The following MKLN1 variants were observed in gnomAD, a reference collection of about 807,000 sequenced individuals.
MKLN1 encodes muskelin 1, also known as muskelin.
MKLN1 carries 18 observed loss-of-function variants against 99.0 expected under a neutral mutation model. The observed-to-expected ratio is 0.18, with a 90% CI of 0.13 to 0.27. MKLN1 has a LOEUF of 0.27. MKLN1 is among the 10% of genes least tolerant of loss of function. The pLI, the probability that MKLN1 is intolerant of heterozygous loss-of-function variation, is 1.00. For missense variants in MKLN1, 621 were observed against 875.9 expected (o/e 0.71, Z 3.67); for synonymous variants, 288 against 293.2 (o/e 0.98, Z 0.18).
At chr7:131,307,528 C>T (rs1382385990) in intron 3 of MKLN1, among the ~76,000 whole-genome samples, 6 of 152,246 alleles carry the variant, frequency 3.9e-5, no homozygotes, top group East Asian at 3.9e-4. Flanking sequence ...GTCACAGGAG[C>T]GGAGTTACCT....
intron 1 of MKLN1, among the ~76,000 whole-genome samples, chr7:131,356,895 G>A (rs959220472): frequency 1.3e-5 from 2 of 152,098 alleles, no homozygotes; most frequent in African/African-American, 4.8e-5. Flanking sequence ...GGCAGAAGGA[G>A]GGAGAGACTG....
intron 3 of MKLN1, among the ~76,000 whole-genome samples, chr7:131,266,835 T>C (rs1277706883): frequency 6.6e-6 from 1 of 151,892 alleles, no homozygotes; most frequent in East Asian, 1.9e-4. Flanking sequence ...TTATGGAAAC[T>C]TAGCATTTTA....
intron 2 of MKLN1, among the ~76,000 whole-genome samples, chr7:131,382,322 G>GC (rs1338768214): frequency 6.6e-6 from 1 of 151,828 alleles, no homozygotes; most frequent in Non-Finnish European, 1.5e-5. Flanking sequence ...CCAGGATCTT[G>GC]CCACTGCACT....
chr7:131,366,974 A>G (rs757922871), intron 1 of MKLN1, among the ~76,000 whole-genome samples: 1 of 152,226 alleles, frequency 6.6e-6, no homozygotes, highest in Non-Finnish European at 1.5e-5. Context: ...TGTTACTGAC[A>G]TTTAATTGGT....
At chr7:131,192,140 T>C (rs938662125) in intron 2 of MKLN1, among the ~76,000 whole-genome samples, 1 of 73,314 alleles carries the variant, frequency 1.4e-5, no homozygotes, top group Non-Finnish European at 2.4e-5. Context: ...TAAAAATATA[T>C]ATACGTATAT....
chr7:131,194,303 C>G (rs1796611350), intron 2 of MKLN1, among the ~76,000 whole-genome samples: 2 of 152,154 alleles, frequency 1.3e-5, no homozygotes, highest in Non-Finnish European at 2.9e-5. Context: ...CCCGGCAGCC[C>G]CTGGCAACCA....
intron 12 of MKLN1, among the ~76,000 whole-genome samples, chr7:131,446,728 A>G (rs2116525318): frequency 6.6e-6 from 1 of 152,228 alleles, no homozygotes; most frequent in Non-Finnish European, 1.5e-5. Context: ...AAATTAAAAT[A>G]TTTGTTCACA....
intron 3 of MKLN1, among the ~76,000 whole-genome samples, chr7:131,204,959 G>T (rs139749508): frequency 0.076 from 10,903 of 144,348 alleles, 429 homozygotes; most frequent in African/African-American, 0.097. Context: ...TTAGCTGGGT[G>T]TGGTGGTGGG....
chr7:131,234,452 G>C (rs1797287255), intron 3 of MKLN1, among the ~76,000 whole-genome samples: 1 of 152,148 alleles, frequency 6.6e-6, no homozygotes, highest in Non-Finnish European at 1.5e-5. Context: ...GGGTTCTTCA[G>C]CTGCACTAAT....
rs61413385 is a variant in MKLN1, at chr7:131,260,048, ATTT to A, written c.-179+57085_-179+57087del. Among the ~76,000 whole-genome samples the A allele has an allele frequency of 7.0e-3, 1,047 of 150,158 alleles. 7 individuals are homozygous for A. The highest frequency in any genetic ancestry group is 9.7e-3 in the Non-Finnish European group (653 of 67,462). On this transcript the variant is annotated intron_variant, in intron 3 of 7. Transcript: ENST00000416992. ...AAAACAATGTACAGAAATCAGCAGC[ATTT>A]TTTTTTTTTTAAGAGACGGGGTCTT...
At chr7:131,256,727 C>G (rs574641666) in intron 3 of MKLN1, among the ~76,000 whole-genome samples, 2 of 152,208 alleles carry the variant, frequency 1.3e-5, no homozygotes, top group South Asian at 4.1e-4. Context: ...AAATGCTGCA[C>G]TTATAAGTAG....
rs111682225 is a variant in MKLN1 at position 131,341,888 on chromosome 7, C to T, written c.98+13891C>T. On this transcript the variant is annotated intron_variant, in intron 1 of 17. Transcript: ENST00000352689. ...CAGGCAGTAATGCTTGCTAACCCAC[C>T]GCCACTCACCTCCTGCTGTGCATCT... is the stretch of plus-strand genomic sequence containing the variant. 5.0e-3 allele frequency among the ~76,000 whole-genome samples: 766 copies of T among 152,300 alleles called. 6 individuals are homozygous for T. Among genetic ancestry groups the T allele is most frequent in the African/African-American group, 0.017 (725 of 41,564 alleles).
intron 3 of MKLN1, among the ~76,000 whole-genome samples, chr7:131,217,452 G>C (rs10236320): frequency 0.74 from 112,296 of 152,196 alleles, 42,008 homozygotes; most frequent in East Asian, 0.97. Flanking sequence ...AATCCCAACA[G>C]TTTGGGAGGC....
chr7:131,250,146 C>G (rs1456596228), intron 3 of MKLN1, among the ~76,000 whole-genome samples: 1 of 152,070 alleles, frequency 6.6e-6, no homozygotes, highest in African/African-American at 2.4e-5. Context: ...AGGAGTTGCC[C>G]CAACTGACCA....
At chr7:131,190,389 G>A (rs1287238046) in intron 2 of MKLN1, among the ~76,000 whole-genome samples, 2 of 151,336 alleles carry the variant, frequency 1.3e-5, no homozygotes, top group Non-Finnish European at 2.9e-5. Context: ...CCCCGGCTGA[G>A]CAAGACAGTC....
intron 2 of MKLN1, among the ~76,000 whole-genome samples, chr7:131,162,451 C>A (rs948463266): frequency 6.6e-6 from 1 of 152,106 alleles, no homozygotes; most frequent in Non-Finnish European, 1.5e-5. Context: ...AATGATGTTG[C>A]CAAACAAGCA....
intron 2 of MKLN1, among the ~76,000 whole-genome samples, chr7:131,197,476 C>A (rs1043375703): frequency 2.6e-5 from 4 of 151,064 alleles, no homozygotes; most frequent in Non-Finnish European, 5.9e-5. Flanking sequence ...TCTCCAACTC[C>A]TGGGCTCAAG....
intron 4 of MKLN1, among the ~76,000 whole-genome samples, chr7:131,390,947 T>C (rs1333389111): frequency 6.6e-6 from 1 of 152,102 alleles, no homozygotes; most frequent in Admixed American, 6.6e-5. Context: ...TATTAGCCCA[T>C]TTTCTATTTA....
At chr7:131,214,324 A>G (rs1231012583) in intron 3 of MKLN1, among the ~76,000 whole-genome samples, 1 of 151,876 alleles carries the variant, frequency 6.6e-6, no homozygotes, top group Non-Finnish European at 1.5e-5. Flanking sequence ...TGTCTTGGCA[A>G]TGAGACCTAA....
Sources: allele counts gnomAD v4.1 joint callset (sites outside exome capture counted in the v4.1 genomes callset), GRCh38; gene constraint gnomAD v4.1.1; transcripts MANE v1.5; gene names NCBI Gene and HGNC (gene_info 2026-07-23, HGNC 2026-07-21).